The following MKLN1 variants were observed in gnomAD, a reference collection of about 807,000 sequenced individuals.
MKLN1 encodes muskelin 1.
In MKLN1, 18 loss-of-function variants were observed where a neutral mutation model predicts 99.0. The ratio of observed to expected loss-of-function variants is 0.18; its 90% CI spans 0.13 to 0.27. The LOEUF is 0.27. Ranked by LOEUF, MKLN1 falls within the 10% of genes least tolerant of loss-of-function variation. The pLI, the probability that MKLN1 is intolerant of heterozygous loss-of-function variation, is 1.00. For missense variants in MKLN1, 621 were observed against 875.9 expected (o/e 0.71, Z 3.67); for synonymous variants, 288 against 293.2 (o/e 0.98, Z 0.18).
chr7:131,195,039 T>A (rs1027053295), intron 2 of MKLN1, among the ~76,000 whole-genome samples: 5 of 152,190 alleles, frequency 3.3e-5, no homozygotes, highest in African/African-American at 1.2e-4. Context: ...ACAAAGGTGT[T>A]TTGCAGTATC....
chr7:131,438,394 G>A (rs1047618982), intron 10 of MKLN1, among the ~76,000 whole-genome samples: 1 of 150,972 alleles, frequency 6.6e-6, no homozygotes, highest in South Asian at 2.1e-4. Flanking sequence ...GAAATCTAGA[G>A]CTTTTCTTCC....
At chr7:131,297,792 G>T (rs563721838) in intron 3 of MKLN1, among the ~76,000 whole-genome samples, 1 of 152,284 alleles carries the variant, frequency 6.6e-6, no homozygotes, top group East Asian at 1.9e-4. Flanking sequence ...ATTGCAACTA[G>T]AAGTGTGAAT....
intron 1 of MKLN1, among the ~76,000 whole-genome samples, chr7:131,135,626 A>G (rs1795638845): frequency 6.6e-6 from 1 of 152,220 alleles, no homozygotes; most frequent in African/African-American, 2.4e-5. Context: ...AGATAAGGGT[A>G]GAAAGTGTTT....
At chr7:131,207,245 C>A (rs1165086575) in intron 3 of MKLN1, among the ~76,000 whole-genome samples, 1 of 152,042 alleles carries the variant, frequency 6.6e-6, no homozygotes, top group Non-Finnish European at 1.5e-5. Context: ...CTCACTCTGT[C>A]ACCCGGGCTG....
intron 3 of MKLN1, among the ~76,000 whole-genome samples, chr7:131,271,881 C>T (rs1358827425): frequency 4.0e-5 from 6 of 150,048 alleles, no homozygotes; most frequent in Admixed American, 6.7e-5. Context: ...TGCACTCCAG[C>T]TTAGGCAACA....
At chr7:131,455,436 A>G (rs1463419044) in intron 12 of MKLN1, among the ~76,000 whole-genome samples, 1 of 152,242 alleles carries the variant, frequency 6.6e-6, no homozygotes, top group Non-Finnish European at 1.5e-5. Context: ...GAAGAAATAG[A>G]GTTGAAGGAT....
intron 6 of MKLN1, among the ~76,000 whole-genome samples, chr7:131,402,726 C>G (rs141971832): frequency 6.6e-6 from 1 of 152,160 alleles, no homozygotes; most frequent in Non-Finnish European, 1.5e-5. Flanking sequence ...CCATCAAGCT[C>G]TTGGGTGACA....
chr7:131,474,619 G>A lies in MKLN1; in HGVS notation c.2031+3675G>A, dbSNP rs911581930. Among the ~76,000 whole-genome samples, 4 of 152,264 alleles carry A rather than the reference G, an allele frequency of 2.6e-5. 1 individual carries two copies. In the Middle Eastern group the frequency reaches 0.01, roughly 388 times the overall value. On this transcript the variant is annotated intron_variant, in intron 16 of 17. Transcript: ENST00000352689. ...ATTTTTCACCTTAGGAGTTAGAAAA[G>A]AGGAACAAATTCAACCCCAAATAAG...
intron 2 of MKLN1, among the ~76,000 whole-genome samples, chr7:131,153,985 T>C (rs953773735): frequency 2.0e-5 from 3 of 151,798 alleles, no homozygotes; most frequent in African/African-American, 4.8e-5. Context: ...TTTAAATATA[T>C]TTATTATGGA....
chr7:131,487,303 A>G lies in MKLN1; in HGVS notation c.2087-304A>G, dbSNP rs1404137587. Among the ~76,000 whole-genome samples the G allele has an allele frequency of 1.3e-5, 2 of 152,184 alleles. No individual in the cohort carries two copies. Among genetic ancestry groups the G allele is most frequent in the African/African-American group, 2.4e-5 (1 of 41,456 alleles). ...CAGTATTATTTGTAACTAAAGTGCC[A>G]GTCCTTCTGCTAGACGCTTTTCATG... On this transcript the variant is annotated intron_variant, in intron 17 of 17. Transcript: ENST00000352689. This position sits in a 1 kb window ranked among gnomAD's most constrained non-coding sequence, Gnocchi z 4.7.
chr7:131,178,904 G>A (rs1053559277), intron 2 of MKLN1, among the ~76,000 whole-genome samples: 7 of 152,082 alleles, frequency 4.6e-5, no homozygotes, highest in African/African-American at 1.7e-4. Context: ...AGTGGTAACT[G>A]ATATTTTTTT....
chr7:131,127,393 C>T (rs59974682), intron 1 of MKLN1, among the ~76,000 whole-genome samples: 1,673 of 151,948 alleles, frequency 0.011, 27 homozygotes, highest in African/African-American at 0.038. Context: ...TGGGCGAGTA[C>T]GACTGAAGAA....
chr7:131,340,904 G>A (rs1799389214), intron 1 of MKLN1, among the ~76,000 whole-genome samples: 1 of 151,958 alleles, frequency 6.6e-6, no homozygotes, highest in African/African-American at 2.4e-5. Flanking sequence ...TATCTAGGGT[G>A]GAGGTATTAT....
At chr7:131,156,885 T>C (rs1396118181) in intron 2 of MKLN1, among the ~76,000 whole-genome samples, 1 of 152,164 alleles carries the variant, frequency 6.6e-6, no homozygotes, top group Non-Finnish European at 1.5e-5. Context: ...AACCATAATC[T>C]CAAGGACAGA....
At chr7:131,416,166 C>A (rs1488729141) in intron 8 of MKLN1, among the ~76,000 whole-genome samples, 1 of 152,176 alleles carries the variant, frequency 6.6e-6, no homozygotes, top group East Asian at 1.9e-4. Context: ...TTGAAAGGAG[C>A]CTTTACCTTT....
At chr7:131,120,164 C>G (rs1795341045) in intron 1 of MKLN1, among the ~76,000 whole-genome samples, 1 of 74,820 alleles carries the variant, frequency 1.3e-5, no homozygotes, top group East Asian at 3.6e-4. Context: ...GAGTGAGACT[C>G]CATCTCAAAA....
intron 16 of MKLN1, 53 bp from the exon 17 acceptor site, chr7:131,478,570 C>A: frequency 5.4e-6 from 8 of 1,468,074 alleles, no homozygotes; most frequent in Admixed American, 5.2e-5. Context: ...TCCTTCAGTG[C>A]ACTTAGCCAG....
intron 1 of MKLN1, among the ~76,000 whole-genome samples, chr7:131,350,177 A>G (rs982075129): frequency 3.3e-5 from 5 of 152,176 alleles, no homozygotes; most frequent in African/African-American, 9.6e-5. Flanking sequence ...AGTATACATG[A>G]AGAAGAGGAC....
At chr7:131,459,990 A>G (rs761645083) in intron 12 of MKLN1, among the ~76,000 whole-genome samples, 5 of 151,712 alleles carry the variant, frequency 3.3e-5, no homozygotes, top group Non-Finnish European at 5.9e-5. Flanking sequence ...TGTCAGTTTT[A>G]TCTAGAGACC....
Sources: allele counts gnomAD v4.1 joint callset (sites outside exome capture counted in the v4.1 genomes callset), GRCh38; gene constraint gnomAD v4.1.1; non-coding constraint Gnocchi (gnomAD v3.1); transcripts MANE v1.5; gene names NCBI Gene and HGNC (gene_info 2026-07-23, HGNC 2026-07-21).